The following PCDHGA3 variants were observed in gnomAD, a reference collection of about 807,000 sequenced individuals.
PCDHGA3 encodes the protein protocadherin gamma-A3.
In PCDHGA3, 40 loss-of-function variants were observed where a neutral mutation model predicts 58.5. That is an observed-to-expected ratio of 0.68 (90% CI 0.53 to 0.89). PCDHGA3 has a LOEUF of 0.89. PCDHGA3 is among the 40% of genes least tolerant of loss of function. The probability of loss-of-function intolerance (pLI) is 0.00; values close to 1 mark genes in which losing one functional copy is unlikely to be tolerated. For missense variants in PCDHGA3, 1,223 were observed against 1,195.9 expected (o/e 1.02, Z -0.33); for synonymous variants, 530 against 525.7 (o/e 1.01, Z -0.11).
chr5:141,501,237 A>G (rs1327502244), intron 2 of PCDHGA3, among the ~76,000 whole-genome samples: 1 of 150,372 alleles, frequency 6.7e-6, no homozygotes, highest in Non-Finnish European at 1.5e-5. Flanking sequence ...CAGTTTTTTG[A>G]GCATGATGTA....
chr5:141,399,695 C>G, intron 1 of PCDHGA3: 1 of 1,613,480 alleles, frequency 6.2e-7, no homozygotes, highest in South Asian at 1.1e-5. Flanking sequence ...CAGCTGCGCA[C>G]CTTCGAACTC....
rs199973289 is a variant in PCDHGA3, at chr5:141,393,414, G to A, written c.2424+46957G>A. On this transcript the variant is annotated intron_variant, in intron 1 of 3. Transcript: ENST00000253812. ...AGAGCTGGTGCTGGAGCGCGCCCTG[G>A]ACAGGGAGGAAGAGGCTGCTCACCA... 7 of 1,614,038 alleles carry A rather than the reference G, an allele frequency of 4.3e-6. No individual in the cohort carries two copies. In the East Asian group the frequency reaches 1.3e-4, roughly 31 times the overall value.
At chr5:141,430,115 A>G (rs930805574) in intron 1 of PCDHGA3, among the ~76,000 whole-genome samples, 1 of 152,194 alleles carries the variant, frequency 6.6e-6, no homozygotes, top group Non-Finnish European at 1.5e-5. Context: ...CATGTCAACA[A>G]CCTGGTAAAG....
At chr5:141,484,506 G>T (rs1442936814) in intron 1 of PCDHGA3, among the ~76,000 whole-genome samples, 1 of 152,186 alleles carries the variant, frequency 6.6e-6, no homozygotes, top group Non-Finnish European at 1.5e-5. Context: ...TGAATATTCT[G>T]CAGAAGGGCA....
At chr5:141,355,853 G>T in intron 1 of PCDHGA3, 1 of 1,612,554 alleles carries the variant, frequency 6.2e-7, no homozygotes, top group Non-Finnish European at 8.5e-7. Flanking sequence ...TTCGATGGAG[G>T]TGACCCGGTT....
chr5:141,393,452 G>T lies in PCDHGA3; in HGVS notation c.2424+46995G>T, dbSNP rs189963623. 9.0e-3 allele frequency: 14,601 copies of T among 1,614,028 alleles called. 101 individuals are homozygous for T. The highest frequency in any genetic ancestry group is 0.01 in the Non-Finnish European group (11,851 of 1,179,906). ...AGGCTGCTCACCACCTGGTCCTCACGGCCTCGGATGGCGGCAAGCCGCCTC... is the reference window on the plus strand; with the variant it reads ...AGGCTGCTCACCACCTGGTCCTCACTGCCTCGGATGGCGGCAAGCCGCCTC... On this transcript the variant is annotated intron_variant, in intron 1 of 3. Coordinates refer to ENST00000253812, the MANE Select transcript of PCDHGA3 (RefSeq NM_018916.4).
rs775775135 is a variant in PCDHGA3 at position 141,400,234 on chromosome 5, G to GTTGCCTTGCGCCTCC, written c.2424+53778_2424+53779insTGCCTTGCGCCTCCT. The GTTGCCTTGCGCCTCC allele has an allele frequency of 3.1e-6, 5 of 1,613,868 alleles. No homozygotes were observed. In the East Asian group the frequency reaches 1.1e-4, roughly 36 times the overall value. On this transcript the variant is annotated intron_variant, in intron 1 of 3. Transcript: ENST00000253812. ...GATCTCAGTGCTCTTCCTCCTGGCC[G>GTTGCCTTGCGCCTCC]TGATTCTGGCCGTTGCCTTGCGCCT...
At chr5:141,378,741 A>C (rs1588862467) in intron 1 of PCDHGA3, 2 of 152,230 alleles carry the variant, frequency 1.3e-5, no homozygotes, top group African/African-American at 2.4e-5. Context: ...GAAATATTTC[A>C]AGAAAAAAGG....
intron 1 of PCDHGA3, among the ~76,000 whole-genome samples, chr5:141,359,860 AAG>A (rs1033135991): frequency 6.6e-6 from 1 of 152,190 alleles, no homozygotes; most frequent in Non-Finnish European, 1.5e-5. Context: ...TAAATTAAAA[AAG>A]AAAAGAAAAG....
chr5:141,357,261 G>C lies in PCDHGA3; in HGVS notation c.2424+10804G>C, dbSNP rs373241881. ...AGCCTTCAGCAGACCCAGACGACTC[G>C]GGCCTCACACTCTATCTCGTGGTGG... is the stretch of plus-strand genomic sequence containing the variant. On this transcript the variant is annotated intron_variant, in intron 1 of 3. Coordinates refer to ENST00000253812, the MANE Select transcript of PCDHGA3 (RefSeq NM_018916.4). 86 of 1,613,714 alleles carry C rather than the reference G, an allele frequency of 5.3e-5. No homozygotes were observed. The African/African-American group carries it at 1.0e-3, about 19-fold the overall frequency.
intron 1 of PCDHGA3, chr5:141,423,975 A>T: frequency 8.9e-7 from 1 of 1,126,024 alleles, no homozygotes; most frequent in Non-Finnish European, 1.1e-6. Flanking sequence ...TTATCAGTGT[A>T]TGAGGCTCTC....
At chr5:141,361,246 A>G in intron 1 of PCDHGA3, 2 of 1,613,980 alleles carry the variant, frequency 1.2e-6, no homozygotes, top group Non-Finnish European at 1.7e-6. Flanking sequence ...CTTGATAAAA[A>G]CGAGAGACAG....
chr5:141,478,521 G>A, intron 1 of PCDHGA3: 1 of 1,610,618 alleles, frequency 6.2e-7, no homozygotes, highest in Non-Finnish European at 8.5e-7. Context: ...CAGGTGTTGG[G>A]TGCAGAGAGC....
chr5:141,476,557 C>T lies in PCDHGA3; in HGVS notation c.2425-18250C>T. On this transcript the variant is annotated intron_variant, in intron 1 of 3. Coordinates refer to ENST00000253812, the MANE Select transcript of PCDHGA3 (RefSeq NM_018916.4). This position sits in a 1 kb window ranked among gnomAD's most constrained non-coding sequence, Gnocchi z 7.6. ...AAATGAAATTGGAGATTAGCGAGGC[C>T]GTGGCTCCGGGGACGCGCTTTCCGC... The T allele has an allele frequency of 1.2e-6, 2 of 1,614,222 alleles. No homozygotes were observed. The highest frequency in any genetic ancestry group is 1.3e-5 in the African/African-American group (1 of 75,060).
In PCDHGA3 at chr5:141,345,691, T is replaced by C; in HGVS notation, c.1658T>C (p.Leu553Pro). The C allele has an allele frequency of 6.2e-7, 1 of 1,614,232 alleles. No individual in the cohort carries two copies. Among genetic ancestry groups the C allele is most frequent in the East Asian group, 2.2e-5 (1 of 44,876 alleles). Residue 553 changes from leucine (L) to proline (P), a missense_variant, in exon 1 of 4, where the codon CTG becomes CCG. By Grantham distance (98) the Leu-to-Pro change is moderately conservative. Coordinates refer to ENST00000253812, the MANE Select transcript of PCDHGA3 (RefSeq NM_018916.4). ...AACGTGTCGCTGAACCTGTTCGTGC[T>C]GGACCAGAACGACAACGCGCCCGAG... ...SSNVSLNLFVLDQNDNAPEIL... is the reference protein window; with the variant it reads ...SSNVSLNLFVPDQNDNAPEIL...
At chr5:141,415,881 T>C (rs1589997447) in intron 1 of PCDHGA3, 1 of 1,003,346 alleles carries the variant, frequency 1.0e-6, no homozygotes, top group Non-Finnish European at 1.3e-6. Context: ...GAGTACAATA[T>C]TGACAATTCC....
At chr5:141,390,324 A>G in intron 1 of PCDHGA3, 2 of 1,605,484 alleles carry the variant, frequency 1.2e-6, no homozygotes, top group East Asian at 4.5e-5. Flanking sequence ...TTGCCTACCC[A>G]TTTCTCCATA....
intron 1 of PCDHGA3, among the ~76,000 whole-genome samples, chr5:141,460,307 C>A (rs1025049001): frequency 6.6e-6 from 1 of 152,102 alleles, no homozygotes; most frequent in African/African-American, 2.4e-5. Context: ...TATTCAAAAA[C>A]TCCTTGCCTA....
At chr5:141,351,824 C>T (rs1213782455) in intron 1 of PCDHGA3, 12 of 1,613,200 alleles carry the variant, frequency 7.4e-6, no homozygotes, top group Non-Finnish European at 1.0e-5. Context: ...CGAGCAGCTG[C>T]GCGCCTTCGA....
Sources: gnomAD v4.1 joint callset for allele counts (sites outside exome capture counted in the v4.1 genomes callset) on GRCh38, gnomAD v4.1.1 for gene constraint, Gnocchi (gnomAD v3.1) non-coding constraint, MANE v1.5 for transcripts, NCBI Gene and HGNC (gene_info 2026-07-23, HGNC 2026-07-21) for gene names.